Variants in REV3L observed in about 807,000 individuals in gnomAD.
REV3L encodes the protein DNA polymerase zeta catalytic subunit.
In REV3L, 69 loss-of-function variants were observed where a neutral mutation model predicts 299.4. The observed-to-expected ratio is 0.23, with a 90% CI of 0.19 to 0.28. The LOEUF is 0.28. Ranked by LOEUF, REV3L falls within the 10% of genes least tolerant of loss-of-function variation. The pLI, the probability that REV3L is intolerant of heterozygous loss-of-function variation, is 1.00. For missense variants in REV3L, 3,128 were observed against 3,693.8 expected, an observed-to-expected ratio of 0.85 and a Z score of 3.97; for synonymous variants, 1,238 against 1,271.4, an observed-to-expected ratio of 0.97 and a Z score of 0.56.
chr6:111,400,356 A>G (rs1782959487), intron 4 of REV3L, among the ~76,000 whole-genome samples: 2 of 152,192 alleles, frequency 1.3e-5, no homozygotes, highest in African/African-American at 4.8e-5. Context: ...CCAGCAAAGA[A>G]TGTCAGCGCT....
chr6:111,406,528 C>G (rs1398189130), intron 3 of REV3L, among the ~76,000 whole-genome samples: 1 of 152,044 alleles, frequency 6.6e-6, no homozygotes, highest in Non-Finnish European at 1.5e-5. Flanking sequence ...AGGATGGTGG[C>G]TATAACAAGG....
chr6:111,322,785 C>A (rs1013998778), intron 25 of REV3L, 107 bp from the exon 26 acceptor site: 4 of 792,526 alleles, frequency 5.0e-6, no homozygotes, highest in Middle Eastern at 2.4e-4. Flanking sequence ...AGAAATGAAA[C>A]GAGAAAAGAA....
At chr6:111,300,356 A>T (rs1240588815) in intron 31 of REV3L, among the ~76,000 whole-genome samples, 200 bp from the exon 32 acceptor site, 1 of 152,182 alleles carries the variant, frequency 6.6e-6, no homozygotes, top group Non-Finnish European at 1.5e-5. Context: ...TTATTTTGTA[A>T]AGATAGAGTA....
At chr6:111,331,139 T>A in intron 24 of REV3L, 1 of 466,082 alleles carries the variant, frequency 2.1e-6, no homozygotes, top group Non-Finnish European at 2.8e-6. Flanking sequence ...TATTTGTCTT[T>A]AATTTGTAAA....
intron 20 of REV3L, among the ~76,000 whole-genome samples, chr6:111,345,950 A>G (rs1166740675): frequency 6.6e-6 from 1 of 152,000 alleles, no homozygotes; most frequent in Non-Finnish European, 1.5e-5. Flanking sequence ...AAATTCTCCT[A>G]ATAACCATTT....
At chr6:111,331,621 A>G in intron 24 of REV3L, 55 bp downstream of exon 24, 1 of 1,198,636 alleles carries the variant, frequency 8.3e-7, no homozygotes, top group Non-Finnish European at 1.2e-6. Flanking sequence ...AACCATTATC[A>G]GCTCTCCAAA....
At chr6:111,476,382 C>T (rs762352247) in intron 1 of REV3L, among the ~76,000 whole-genome samples, 1 of 152,100 alleles carries the variant, frequency 6.6e-6, no homozygotes, top group African/African-American at 2.4e-5. Flanking sequence ...GTCTTGAACT[C>T]CTGGGCTGAA....
At chr6:111,370,441 C>T (rs1779687664) in intron 13 of REV3L, among the ~76,000 whole-genome samples, 2 of 152,130 alleles carry the variant, frequency 1.3e-5, no homozygotes, top group African/African-American at 4.8e-5. Flanking sequence ...CACTTCAAGT[C>T]ATTACAGGAG....
intron 1 of REV3L, among the ~76,000 whole-genome samples, chr6:111,481,062 CTA>C (rs1793573278): frequency 6.6e-6 from 1 of 152,038 alleles, no homozygotes; most frequent in South Asian, 2.1e-4. Context: ...CAAAGCTTGA[CTA>C]TCTCTCAGGA....
intron 20 of REV3L, among the ~76,000 whole-genome samples, chr6:111,346,123 CCTGT>C (rs1370528060): frequency 2.0e-5 from 3 of 152,194 alleles, no homozygotes; most frequent in East Asian, 3.8e-4. Flanking sequence ...ATTCCGCCTT[CCTGT>C]CTGTTACTAT....
chr6:111,376,773 A>G lies in REV3L; in HGVS notation c.1598-16T>C. On this transcript the variant is annotated splice_polypyrimidine_tract_variant and intron_variant, in intron 12 of 31. Coordinates refer to ENST00000368802, the MANE Select transcript of REV3L (RefSeq NM_001372078.1). ...AATGGATTGTCTGAAATGAGGAGGG[A>G]AAAACAGTTTATTTCATTTTACTCT... 1 of 1,516,002 alleles carries G rather than the reference A, an allele frequency of 6.6e-7. No homozygotes were observed. Among genetic ancestry groups the G allele is most frequent in the Non-Finnish European group, 8.8e-7 (1 of 1,142,022 alleles). 93.9% of individuals were successfully genotyped at this position (1,516,002 alleles called of 1,614,324 possible).
At chr6:111,398,682 T>C (rs922365815) in intron 4 of REV3L, among the ~76,000 whole-genome samples, 3 of 152,124 alleles carry the variant, frequency 2.0e-5, no homozygotes, top group African/African-American at 7.2e-5. Flanking sequence ...ATGTAATACA[T>C]ATATTTACTT....
chr6:111,375,747 C>A lies in REV3L; in HGVS notation c.2608G>T (p.Asp870Tyr). 6.2e-7 allele frequency: 1 copy of A among 1,613,806 alleles called. No homozygotes were observed. Among genetic ancestry groups the A allele is most frequent in the Non-Finnish European group, 8.5e-7 (1 of 1,179,776 alleles). The change falls in exon 13 of 32, where the codon GAT (aspartate) becomes TAT (tyrosine). Residue 870 changes from aspartate to tyrosine, a missense_variant. By Grantham distance (160) the Asp-to-Tyr change is radical. Coordinates refer to ENST00000368802, the MANE Select transcript of REV3L (RefSeq NM_001372078.1). ...NNPCNSNPEKDNALASDLTKT... is the reference protein window; with the variant it reads ...NNPCNSNPEKYNALASDLTKT... Reference sequence around the variant, plus strand: ...GTTAAATCACTAGCCAATGCATTATCCTTCTCAGGATTACTATTACAAGGA... The same window carrying A: ...GTTAAATCACTAGCCAATGCATTATACTTCTCAGGATTACTATTACAAGGA...
At chr6:111,470,060 C>A (rs1228379945) in intron 1 of REV3L, among the ~76,000 whole-genome samples, 4 of 151,916 alleles carry the variant, frequency 2.6e-5, no homozygotes, top group African/African-American at 9.7e-5. Flanking sequence ...TTACTATCAC[C>A]TTGTAAACAC....
intron 28 of REV3L, chr6:111,312,467 T>C (rs1773087438): frequency 1.3e-5 from 2 of 152,164 alleles, no homozygotes; most frequent in East Asian, 1.9e-4. Context: ...GTTGAGAAAT[T>C]TGAGTAATTT....
chr6:111,321,345 G>T (rs1056505109), intron 26 of REV3L, among the ~76,000 whole-genome samples: 1 of 152,030 alleles, frequency 6.6e-6, no homozygotes, highest in African/African-American at 2.4e-5. Context: ...CTGACTTCTG[G>T]GTGTTGTCAA....
At chr6:111,355,701 G>A (rs530327125) in intron 18 of REV3L, among the ~76,000 whole-genome samples, 139 of 152,196 alleles carry the variant, frequency 9.1e-4, no homozygotes, top group Non-Finnish European at 1.8e-3. Flanking sequence ...TACAAGCCCA[G>A]GGACATTACT....
intron 1 of REV3L, 50 bp downstream of exon 1, chr6:111,482,700 C>A: frequency 8.7e-7 from 1 of 1,155,974 alleles, no homozygotes; most frequent in Non-Finnish European, 1.1e-6. Context: ...GAGGGCGGCC[C>A]CGGCGCCCCG....
At chr6:111,352,775 G>A (rs1183607497) in intron 18 of REV3L, among the ~76,000 whole-genome samples, 2 of 152,248 alleles carry the variant, frequency 1.3e-5, no homozygotes, top group South Asian at 2.1e-4. Context: ...TGTGCTCCTC[G>A]TGGTCAGAGC....
Sources: gnomAD v4.1 joint callset for allele counts (sites outside exome capture counted in the v4.1 genomes callset) on GRCh38, gnomAD v4.1.1 for gene constraint, MANE v1.5 for transcripts, NCBI Gene and HGNC (gene_info 2026-07-23, HGNC 2026-07-21) for gene names.